Variants in PPP2R5E observed in about 807,000 individuals in gnomAD.
PPP2R5E encodes protein phosphatase 2 regulatory subunit B'epsilon.
In PPP2R5E, 4 loss-of-function variants were observed where a neutral mutation model predicts 65.3. The ratio of observed to expected loss-of-function variants is 0.06; its 90% CI spans 0.03 to 0.14. The LOEUF (loss-of-function observed/expected upper bound fraction) is 0.14, where lower values mean the gene tolerates loss of function less well. PPP2R5E is among the 10% of genes least tolerant of loss of function. PPP2R5E has a pLI of 1.00. For missense variants in PPP2R5E, 274 were observed against 556.1 expected (o/e 0.49, Z 5.10); for synonymous variants, 183 against 187.4 (o/e 0.98, Z 0.19).
chr14:63,431,137 G>A (rs867099485), intron 3 of PPP2R5E, among the ~76,000 whole-genome samples: 13 of 152,008 alleles, frequency 8.6e-5, no homozygotes, highest in East Asian at 3.9e-4. Flanking sequence ...GCATAGGGGC[G>A]CATGCCTGTA....
chr14:63,414,430 G>A (rs1886577577), intron 5 of PPP2R5E, among the ~76,000 whole-genome samples: 1 of 152,058 alleles, frequency 6.6e-6, no homozygotes, highest in African/African-American at 2.4e-5. Flanking sequence ...ATGTCACTCA[G>A]AAGAGAGCTA....
rs1255756 is a variant in PPP2R5E, at chr14:63,519,003, G to C, written c.157+20526C>G. 7.0e-3 allele frequency among the ~76,000 whole-genome samples: 1,063 copies of C among 152,322 alleles called. 15 individuals carry two copies. The highest frequency in any genetic ancestry group is 0.024 in the African/African-American group (1,006 of 41,574). The stretch of plus-strand genomic sequence containing the variant: ...GGAGGCCAAGACAGGCAGATCATCT[G>C]AGGTCGGGAGTTCGAGACCAGCCTA... On this transcript the variant is annotated intron_variant, in intron 2 of 13. Transcript: ENST00000337537.
intron 5 of PPP2R5E, among the ~76,000 whole-genome samples, chr14:63,399,275 G>A (rs1482022770): frequency 6.7e-6 from 1 of 149,986 alleles, no homozygotes; most frequent in Non-Finnish European, 1.5e-5. Context: ...TACAATGTAT[G>A]ACTCCATTTA....
intron 5 of PPP2R5E, among the ~76,000 whole-genome samples, chr14:63,413,245 A>G (rs1323359158): frequency 6.6e-6 from 1 of 152,248 alleles, no homozygotes; most frequent in East Asian, 1.9e-4. Context: ...TGTGTAAGAA[A>G]AGCACTGGCT....
chr14:63,435,880 G>A (rs1340467843), intron 3 of PPP2R5E, among the ~76,000 whole-genome samples: 1 of 152,212 alleles, frequency 6.6e-6, no homozygotes, highest in Non-Finnish European at 1.5e-5. Flanking sequence ...ACACAGAGAT[G>A]ACTGTATTGT....
intron 2 of PPP2R5E, among the ~76,000 whole-genome samples, chr14:63,530,226 G>GTTTTTT (rs555112537): frequency 6.4e-4 from 64 of 99,450 alleles, no homozygotes; most frequent in East Asian, 8.7e-4. Context: ...AAATTTTTCC[G>GTTTTTT]TTTTTTTTTT....
intron 3 of PPP2R5E, among the ~76,000 whole-genome samples, chr14:63,436,723 T>A (rs1887969541): frequency 6.6e-6 from 1 of 152,212 alleles, no homozygotes; most frequent in Non-Finnish European, 1.5e-5. Context: ...GCTGGCTTCA[T>A]CTTAGTTCCT....
chr14:63,432,507 T>C (rs1887728393), intron 3 of PPP2R5E, among the ~76,000 whole-genome samples: 2 of 152,178 alleles, frequency 1.3e-5, no homozygotes. Context: ...AATGTAAATA[T>C]AGGCATGGTT....
chr14:63,417,618 T>C (rs1280652576), intron 4 of PPP2R5E, among the ~76,000 whole-genome samples: 1 of 152,214 alleles, frequency 6.6e-6, no homozygotes. Context: ...TTGTATCATG[T>C]AGAATATTTT....
At chr14:63,433,055 T>TTTTTG (rs1887772348) in intron 3 of PPP2R5E, among the ~76,000 whole-genome samples, 1 of 145,526 alleles carries the variant, frequency 6.9e-6, no homozygotes, top group Non-Finnish European at 1.5e-5. Context: ...TTTTTTTTTT[T>TTTTTG]GAGACAGGGT....
chr14:63,522,386 C>T (rs1892957235), intron 2 of PPP2R5E, among the ~76,000 whole-genome samples: 1 of 151,534 alleles, frequency 6.6e-6, no homozygotes, highest in African/African-American at 2.4e-5. Context: ...AAGTGAGGAG[C>T]GTCTCTGCCT....
intron 8 of PPP2R5E, 91 bp downstream of exon 8, chr14:63,393,729 A>G (rs1885160638): frequency 2.2e-6 from 2 of 907,346 alleles, no homozygotes; most frequent in East Asian, 5.2e-5. Flanking sequence ...AAAAACCAAA[A>G]AAACAAAATG....
chr14:63,463,608 T>G (rs1889616455), intron 2 of PPP2R5E, among the ~76,000 whole-genome samples: 1 of 151,880 alleles, frequency 6.6e-6, no homozygotes, highest in Non-Finnish European at 1.5e-5. Context: ...CGCTTTTTTT[T>G]TTTTTTGATA....
intron 2 of PPP2R5E, among the ~76,000 whole-genome samples, chr14:63,519,321 G>A (rs1892789650): frequency 1.3e-5 from 2 of 152,134 alleles, no homozygotes; most frequent in African/African-American, 4.8e-5. Flanking sequence ...ATATTTGAGG[G>A]TGTATAAATG....
intron 2 of PPP2R5E, among the ~76,000 whole-genome samples, chr14:63,488,519 G>A (rs1457829619): frequency 2.6e-5 from 4 of 152,046 alleles, no homozygotes; most frequent in African/African-American, 4.8e-5. Flanking sequence ...ATGATTTTAA[G>A]AGAATCCCCT....
chr14:63,527,172 A>T lies in PPP2R5E; in HGVS notation c.157+12357T>A, dbSNP rs148575583. 9.3e-4 allele frequency among the ~76,000 whole-genome samples: 142 copies of T among 152,298 alleles called. No homozygotes were observed. In the East Asian group the frequency reaches 0.017, roughly 18 times the overall value. On this transcript the variant is annotated intron_variant, in intron 2 of 13. Transcript: ENST00000337537. The stretch of plus-strand genomic sequence containing the variant: ...CAACAAGAGGGAAACTCCGTCTCAA[A>T]AAAAAAGAAAGTTTATCTAATAATA...
At chr14:63,465,634 A>T (rs1566723305) in intron 2 of PPP2R5E, among the ~76,000 whole-genome samples, 7 of 151,922 alleles carry the variant, frequency 4.6e-5, no homozygotes, top group Admixed American at 1.3e-4. Flanking sequence ...TCAAAAAAAA[A>T]TTTTTTTTAA....
intron 2 of PPP2R5E, among the ~76,000 whole-genome samples, chr14:63,475,447 A>C (rs553137318): frequency 5.3e-5 from 8 of 152,336 alleles, no homozygotes; most frequent in African/African-American, 1.9e-4. Context: ...CAAATACTTA[A>C]ATCAAAGACC....
chr14:63,403,588 A>C (rs1437115559), intron 5 of PPP2R5E, among the ~76,000 whole-genome samples: 1 of 151,354 alleles, frequency 6.6e-6, no homozygotes, highest in African/African-American at 2.4e-5. Context: ...GATGGCCCAG[A>C]GTGCCAATTA....
Sources: gnomAD v4.1 joint callset for allele counts (sites outside exome capture counted in the v4.1 genomes callset) on GRCh38, gnomAD v4.1.1 for gene constraint, MANE v1.5 for transcripts, NCBI Gene and HGNC (gene_info 2026-07-23, HGNC 2026-07-21) for gene names.